IGF1: variants seen among roughly 807,000 people sequenced by gnomAD.
IGF1 encodes insulin like growth factor 1.
In IGF1, 4 loss-of-function variants were observed where a neutral mutation model predicts 13.8. The observed-to-expected ratio is 0.29, with a 90% CI of 0.14 to 0.66. The LOEUF (loss-of-function observed/expected upper bound fraction) is 0.66, where lower values mean the gene tolerates loss of function less well. Ranked by LOEUF, IGF1 falls within the 30% of genes least tolerant of loss-of-function variation. The pLI is 0.78. For missense variants in IGF1, 124 were observed against 188.5 expected (o/e 0.66, Z 2.00); for synonymous variants, 76 against 72.6 (o/e 1.05, Z -0.23).
At chr12:102,413,880 A>G (rs192127144) in intron 3 of IGF1, among the ~76,000 whole-genome samples, 46 of 152,300 alleles carry the variant, frequency 3.0e-4, no homozygotes, top group Admixed American at 1.4e-3. Context: ...GGAATTATTC[A>G]TAGAACCAGG....
At chr12:102,469,223 C>T (rs1880537682) in intron 2 of IGF1, among the ~76,000 whole-genome samples, 1 of 152,114 alleles carries the variant, frequency 6.6e-6, no homozygotes, top group African/African-American at 2.4e-5. Flanking sequence ...TGTCTGTGAC[C>T]ACCTCCCATT....
In IGF1 at chr12:102,397,426, C is replaced by T. The variant is rs1480390874; in HGVS notation, c.*5081G>A. The T allele has an allele frequency of 6.6e-6, 1 of 152,084 alleles. No individual in the cohort carries two copies. Among genetic ancestry groups the T allele is most frequent in the Non-Finnish European group, 1.5e-5 (1 of 68,000 alleles). The allele number at this position is 152,084 out of a possible 1,614,324, so 9.4% of individuals were successfully genotyped here. A position where few individuals can be genotyped will look rare whatever the true frequency, so the allele number is the denominator to read the frequency against. On this transcript the variant is annotated 3_prime_UTR_variant, in exon 4 of 4. Transcript: ENST00000337514. ...TTCTTTAAAAAACAAAAGCATTGTT[C>T]CAGATAGGAATTGGTTATTTAAATT...
At chr12:102,448,462 T>A (rs1190853548) in intron 2 of IGF1, among the ~76,000 whole-genome samples, 4 of 144,992 alleles carry the variant, frequency 2.8e-5, no homozygotes, top group African/African-American at 1.0e-4. Context: ...CACCGCATAT[T>A]CTGACTCATA....
In IGF1 at chr12:102,399,821, T is replaced by C. The variant is rs1873530656; in HGVS notation, c.*2686A>G. The C allele has an allele frequency of 6.6e-6, 1 of 152,072 alleles. No individual in the cohort carries two copies. 9.4% of individuals were successfully genotyped at this position (152,072 alleles called of 1,614,324 possible). A position where few individuals can be genotyped will look rare whatever the true frequency, so the allele number is the denominator to read the frequency against. On this transcript the variant is annotated 3_prime_UTR_variant, in exon 4 of 4. Transcript: ENST00000337514. ...AGTCTGCAGAAGACTGCCTATAAAG[T>C]TTTGTTGAGAGGGAATAATTTTAAA...
intron 3 of IGF1, chr12:102,418,142 A>G (rs1565969114): frequency 1.2e-6 from 1 of 811,990 alleles, no homozygotes; most frequent in Non-Finnish European, 1.8e-6. Flanking sequence ...CTCAGTCACA[A>G]GACCCACCAT....
rs557197595 is a variant in IGF1, at chr12:102,440,883, C to T, written c.221-21193G>A. 2.6e-5 allele frequency among the ~76,000 whole-genome samples: 4 copies of T among 152,276 alleles called. No individual in the cohort carries two copies. In the South Asian group the frequency reaches 8.3e-4, roughly 32 times the overall value. Reference sequence around the variant, plus strand: ...CTACAAAAATAATAATGAATAGAAACTCATCTCCTGGTCTAAAGGAATGAG... The same window carrying T: ...CTACAAAAATAATAATGAATAGAAATTCATCTCCTGGTCTAAAGGAATGAG... On this transcript the variant is annotated intron_variant, in intron 2 of 3. Coordinates refer to ENST00000337514, the MANE Select transcript of IGF1 (RefSeq NM_000618.5).
intron 2 of IGF1, among the ~76,000 whole-genome samples, chr12:102,441,141 G>C (rs1877677834): frequency 1.3e-5 from 2 of 152,188 alleles, no homozygotes; most frequent in Non-Finnish European, 2.9e-5. Context: ...TTTTCTAAAA[G>C]CTCTATTATA....
Position 102,419,563 on chromosome 12 carries a change from C to A in IGF1, c.348G>T (p.Lys116Asn). ...EMYCAPLKPA[K>N]SARSVRAQRH... is the part of the protein sequence containing the mutation. ...GCTGGGCACGGACAGAGCGAGCTGA[C>A]TTGGCAGGCTTGAGGGGTGCGCAAT... Residue 116 changes from lysine (K) to asparagine (N), a missense_variant, in exon 3 of 4, where the codon AAG becomes AAT. Physicochemically the swap from Lys to Asn is moderately conservative, Grantham distance 94 (BLOSUM62 0). This residue lies in a region of IGF1 where 99 missense variants were observed against 171.4 expected (regional missense o/e 0.58). Transcript: ENST00000337514. The A allele has an allele frequency of 3.1e-6, 5 of 1,613,952 alleles. No individual in the cohort carries two copies. Among genetic ancestry groups the A allele is most frequent in the Non-Finnish European group, 4.2e-6 (5 of 1,180,018 alleles).
intron 2 of IGF1, among the ~76,000 whole-genome samples, chr12:102,441,957 T>TCTTCTTCTTCTTCTTCTTCTTCTTCTTC (rs71438463): frequency 2.5e-4 from 33 of 134,660 alleles, no homozygotes; most frequent in East Asian, 8.5e-4. Context: ...TTCTTCTTCT[T>TCTTCTTCTTCTTCTTCTTCTTCTTCTTC]TTTTTTTTTT....
intron 2 of IGF1, among the ~76,000 whole-genome samples, chr12:102,433,639 C>T (rs1381836675): frequency 6.6e-6 from 1 of 152,080 alleles, no homozygotes; most frequent in East Asian, 1.9e-4. Flanking sequence ...ATCTCGAGGG[C>T]AGACACTGTC....
intron 2 of IGF1, among the ~76,000 whole-genome samples, chr12:102,443,318 A>G (rs1236963309): frequency 6.6e-6 from 1 of 152,112 alleles, no homozygotes; most frequent in Non-Finnish European, 1.5e-5. Flanking sequence ...AAAGACAACC[A>G]AAATGCATCC....
chr12:102,480,398 A>G lies in IGF1; in HGVS notation c.-17T>C. ...TTTTCCCATTGCTTCTGAAGTACAA[A>G]GTCTGAAAATGAATTGGTTAGCAGG... On this transcript the variant is annotated 5_prime_UTR_variant, in exon 1 of 4. Transcript: ENST00000337514. The G allele has an allele frequency of 6.2e-7, 1 of 1,613,440 alleles. No homozygotes were observed. Among genetic ancestry groups the G allele is most frequent in the Non-Finnish European group, 8.5e-7 (1 of 1,179,608 alleles).
In IGF1 at chr12:102,476,410, TGAGA is replaced by T. The variant is rs36047405; in HGVS notation, c.64-615_64-612del. ...TTGTTTTTGTTTTGTTTCCTCAATATGAGAGAGAGAGAGAGAGAGAGAGAGAGAG... is the reference window on the plus strand; with the variant it reads ...TTGTTTTTGTTTTGTTTCCTCAATATGAGAGAGAGAGAGAGAGAGAGAGAG... On this transcript the variant is annotated intron_variant, in intron 1 of 3. Coordinates refer to ENST00000337514, the MANE Select transcript of IGF1 (RefSeq NM_000618.5). Among the ~76,000 whole-genome samples, 430 of 139,044 alleles carry T rather than the reference TGAGA, an allele frequency of 3.1e-3. 3 individuals carry two copies. Among genetic ancestry groups the T allele is most frequent in the Admixed American group, 0.011 (153 of 14,108 alleles). The allele number at this position is 139,044 out of a possible 152,430, so 91.2% of individuals were successfully genotyped here.
chr12:102,480,629 G>C, upstream of IGF1: 2 of 1,349,378 alleles, frequency 1.5e-6, no homozygotes, highest in Non-Finnish European at 1.9e-6. Flanking sequence ...GAAACAGCTG[G>C]GGGAACATTT....
upstream of IGF1, among the ~76,000 whole-genome samples, chr12:102,481,165 T>C (rs1881367607): frequency 6.6e-6 from 1 of 152,146 alleles, no homozygotes; most frequent in Admixed American, 6.5e-5. Flanking sequence ...TCTCATACTT[T>C]TTCTCCTGCG....
Position 102,398,203 on chromosome 12 carries a change from G to A in IGF1, c.*4304C>T, listed in dbSNP as rs749183395. ...TCAGTAGATAACCCCCATCTCATAA[G>A]GAAATACTTTCCAACATTTCCCAAA... On this transcript the variant is annotated 3_prime_UTR_variant, in exon 4 of 4. Coordinates refer to ENST00000337514, the MANE Select transcript of IGF1 (RefSeq NM_000618.5). 3 of 152,258 alleles carry A rather than the reference G, an allele frequency of 2.0e-5. No homozygotes were observed. The highest frequency in any genetic ancestry group is 4.4e-5 in the Non-Finnish European group (3 of 68,000). 9.4% of individuals were successfully genotyped at this position (152,258 alleles called of 1,614,324 possible).
intron 1 of IGF1, chr12:102,478,775 C>T: frequency 1.6e-6 from 1 of 608,728 alleles, no homozygotes. Context: ...CCTATTGTAG[C>T]AGCCCAGATA....
intron 2 of IGF1, among the ~76,000 whole-genome samples, chr12:102,471,454 G>A (rs1227937167): frequency 6.6e-6 from 1 of 152,106 alleles, no homozygotes; most frequent in Middle Eastern, 3.2e-3. Context: ...AAGGAAAGAA[G>A]CTTGACTTAA....
intron 2 of IGF1, among the ~76,000 whole-genome samples, chr12:102,447,372 AG>A (rs1024942955): frequency 4.6e-5 from 7 of 152,152 alleles, no homozygotes; most frequent in Non-Finnish European, 7.4e-5. Flanking sequence ...GTCTCTTTGT[AG>A]GTCTCTAAAA....
Sources: gnomAD v4.1 joint callset for allele counts (sites outside exome capture counted in the v4.1 genomes callset) on GRCh38, gnomAD v4.1.1 for gene constraint, gnomAD v4.1.1 regional missense constraint, MANE v1.5 for transcripts, NCBI Gene and HGNC (gene_info 2026-07-23, HGNC 2026-07-21) for gene names.